Variants in RUSC2 observed in about 807,000 individuals in gnomAD.
RUSC2 encodes AP-4 complex accessory subunit RUSC2.
A neutral mutation model predicts 122.2 loss-of-function variants in RUSC2; 34 were observed. The ratio of observed to expected loss-of-function variants is 0.28; its 90% CI spans 0.21 to 0.37. RUSC2 has a LOEUF of 0.37. Among genes scored for constraint, RUSC2 ranks in the 10% least tolerant of loss-of-function variants. The pLI, the probability that RUSC2 is intolerant of heterozygous loss-of-function variation, is 1.00. For synonymous variants in RUSC2, 784 were observed against 790.0 expected (o/e 0.99, Z 0.13); for missense variants, 1,747 against 1,952.4 (o/e 0.89, Z 1.98).
chr9:35,518,224 C>G (rs1369259624), intron 1 of RUSC2, among the ~76,000 whole-genome samples: 1 of 152,188 alleles, frequency 6.6e-6, no homozygotes, highest in Non-Finnish European at 1.5e-5. Flanking sequence ...TTGCCAGCAC[C>G]CTGACTTCTT....
chr9:35,550,051 A>G (rs911197735), intron 2 of RUSC2, among the ~76,000 whole-genome samples: 1 of 151,918 alleles, frequency 6.6e-6, no homozygotes, highest in Admixed American at 6.6e-5. Context: ...ATCTCTACTA[A>G]TAATACAAAA....
At chr9:35,501,021 A>G (rs557213152) in intron 1 of RUSC2, among the ~76,000 whole-genome samples, 15 of 152,358 alleles carry the variant, frequency 9.8e-5, no homozygotes, top group African/African-American at 1.4e-4. Flanking sequence ...TATGAGGAAA[A>G]AAAGACAGCT....
At chr9:35,500,865 T>A (rs1244442990) in intron 1 of RUSC2, among the ~76,000 whole-genome samples, 1 of 152,238 alleles carries the variant, frequency 6.6e-6, no homozygotes, top group East Asian at 1.9e-4. Context: ...CACAGCAACC[T>A]GCAACTGTAT....
rs752665079 is a variant in RUSC2, at chr9:35,555,665, G to A, written c.2620G>A (p.Gly874Ser). 3 of 1,603,716 alleles carry A rather than the reference G, an allele frequency of 1.9e-6. No homozygotes were observed. The Admixed American group carries it at 5.1e-5, about 27-fold the overall frequency. The change falls in exon 3 of 12, where the codon GGT (glycine) becomes AGT (serine). Residue 874 changes from glycine (G) to serine (S), a missense_variant. Coordinates refer to ENST00000361226, the MANE Select transcript of RUSC2 (RefSeq NM_014806.5). The surrounding 1 kb of genome is among the most constrained non-coding windows in gnomAD (Gnocchi z 4.6). ...LSRAESLARG[G>S]GEGSMATRPS... ...CCGAGCAGAGAGCCTGGCCCGGGGA[G>A]GTGGTGAGGGCAGCATGGCCACCAG...
intron 1 of RUSC2, chr9:35,538,869 A>C (rs989596145): frequency 2.6e-5 from 4 of 152,686 alleles, no homozygotes; most frequent in Non-Finnish European, 5.8e-5. Context: ...CTTAGCAGCA[A>C]CGTCACCGCA....
chr9:35,539,964 C>G lies in RUSC2; in HGVS notation c.-92-6466C>G, dbSNP rs998048641. Among the ~76,000 whole-genome samples the G allele has an allele frequency of 2.0e-5, 3 of 151,902 alleles. No individual in the cohort carries two copies. In the South Asian group the frequency reaches 6.2e-4, roughly 31 times the overall value. ...GTGTTCCCCATCTTTATTCAGAAGG[C>G]CAAAAAAGAGGGAAGGGGTTCTATG... is the stretch of plus-strand genomic sequence containing the variant. On this transcript the variant is annotated intron_variant, in intron 1 of 11. Coordinates refer to ENST00000361226, the MANE Select transcript of RUSC2 (RefSeq NM_014806.5).
intron 1 of RUSC2, among the ~76,000 whole-genome samples, chr9:35,503,647 A>G (rs1488644182): frequency 6.6e-6 from 1 of 152,108 alleles, no homozygotes; most frequent in Admixed American, 6.5e-5. Context: ...GTCAAATGGT[A>G]GTTGTACTTT....
At chr9:35,505,450 A>G (rs796605605) in intron 1 of RUSC2, among the ~76,000 whole-genome samples, 12 of 152,158 alleles carry the variant, frequency 7.9e-5, no homozygotes, top group African/African-American at 2.7e-4. Context: ...TTTCTTGATT[A>G]CCTCATGCAA....
In RUSC2 at chr9:35,560,699, G is replaced by A. The variant is rs1465448297; in HGVS notation, c.4059G>A (p.Leu1353=). The A allele has an allele frequency of 1.3e-6, 2 of 1,559,176 alleles. No individual in the cohort carries two copies. The highest frequency in any genetic ancestry group is 2.3e-5 in the South Asian group (2 of 85,482). Residue 1353 remains leucine (L), a synonymous_variant, in exon 10 of 12, where the codon CTG becomes CTA. Coordinates refer to ENST00000361226, the MANE Select transcript of RUSC2 (RefSeq NM_014806.5). ...TGGGGAGCCCCCCTGACTCTGTGCT[G>A]GCCGAGCTGAGGCGCAGTCGGGAGA... ...FWMGSPPDSV[L]AELRRSRERE...
At chr9:35,504,400 T>C (rs764083342) in intron 1 of RUSC2, among the ~76,000 whole-genome samples, 1 of 152,162 alleles carries the variant, frequency 6.6e-6, no homozygotes, top group Non-Finnish European at 1.5e-5. Context: ...TTTTGTTTCC[T>C]CTTCTCTGAA....
At chr9:35,556,286 T>C (rs1822017154) in intron 4 of RUSC2, 22 bp from the exon 5 acceptor site, 3 of 1,613,096 alleles carry the variant, frequency 1.9e-6, no homozygotes, top group South Asian at 1.1e-5. Context: ...TTGCTCAGGA[T>C]TGATTTTTCT....
Position 35,555,994 on chromosome 9 carries a change from G to T in RUSC2, c.2699G>T (p.Arg900Met), listed in dbSNP as rs1822008849. 1.9e-6 allele frequency: 3 copies of T among 1,614,188 alleles called. No individual in the cohort carries two copies. The highest frequency in any genetic ancestry group is 1.7e-5 in the Admixed American group (1 of 60,026). ...CAAGCCCTCAAGTGGCGGGAATACA[G>T]GAGGAAGAACCCACTAGGGCCACCT... ...SPQALKWREY[R>M]RKNPLGPPGL... Residue 900 changes from arginine to methionine, a missense_variant, in exon 4 of 12, where the codon AGG becomes ATG. By Grantham distance (91) the Arg-to-Met change is moderately conservative. Coordinates refer to ENST00000361226, the MANE Select transcript of RUSC2 (RefSeq NM_014806.5). This position sits in a 1 kb window ranked among gnomAD's most constrained non-coding sequence, Gnocchi z 4.6.
At position 35,561,212 on chromosome 9, in the gene RUSC2, A is replaced by G. The variant is rs1822159141; in HGVS notation, c.4381A>G (p.Thr1461Ala). 1 of 1,613,962 alleles carries G rather than the reference A, an allele frequency of 6.2e-7. No individual in the cohort carries two copies. The highest frequency in any genetic ancestry group is 1.7e-5 in the Admixed American group (1 of 59,996). ...EVQALCHHLA[T>A]GPGQLSFHKG... ...GCAGGCACTGTGCCACCACCTGGCCACCGGCCCTGGACAGCTGAGCTTCCA... is the reference window on the plus strand; with the variant it reads ...GCAGGCACTGTGCCACCACCTGGCCGCCGGCCCTGGACAGCTGAGCTTCCA... Residue 1461 changes from threonine to alanine, a missense_variant, in exon 12 of 12, where the codon ACC (threonine) becomes GCC (alanine). Coordinates refer to ENST00000361226, the MANE Select transcript of RUSC2 (RefSeq NM_014806.5).
chr9:35,546,887 T>C lies in RUSC2; in HGVS notation c.366T>C (p.Ile122=), dbSNP rs1260633094. ...TTGGTGACCTGTATGATGACAGCATTGGTGACAGTGCCACCCAGCAGTCCT... is the reference window on the plus strand; with the variant it reads ...TTGGTGACCTGTATGATGACAGCATCGGTGACAGTGCCACCCAGCAGTCCT... ...PGLGDLYDDS[I]GDSATQQSFH... Residue 122 remains isoleucine, a synonymous_variant, in exon 2 of 12, where the codon ATT becomes ATC. Transcript: ENST00000361226. This position sits in a 1 kb window ranked among gnomAD's most constrained non-coding sequence, Gnocchi z 4.3. 3.8e-6 allele frequency: 6 copies of C among 1,591,580 alleles called. No individual in the cohort carries two copies. The Admixed American group carries it at 8.6e-5, about 23-fold the overall frequency.
intron 1 of RUSC2, among the ~76,000 whole-genome samples, chr9:35,496,659 TC>T (rs1235505385): frequency 2.6e-5 from 4 of 152,206 alleles, no homozygotes; most frequent in Non-Finnish European, 5.9e-5. Flanking sequence ...TGATGATTCC[TC>T]TGAAGAATTT....
chr9:35,553,302 C>A (rs1204586147), intron 2 of RUSC2, among the ~76,000 whole-genome samples: 2 of 152,186 alleles, frequency 1.3e-5, no homozygotes, highest in Non-Finnish European at 2.9e-5. Flanking sequence ...TGTAGTGAGA[C>A]TGGCTTGAAT....
rs373218246 is a variant in RUSC2, at chr9:35,555,295, G to A, written c.2250G>A (p.Pro750=). Residue 750 remains proline, a synonymous_variant, in exon 3 of 12, where the codon CCG becomes CCA. Transcript: ENST00000361226. This position sits in a 1 kb window ranked among gnomAD's most constrained non-coding sequence, Gnocchi z 4.6. The part of the protein sequence containing the change: ...QVSVPAPSGE[P]QASTPRATGR... ...CAGTCCCAGCTCCCTCAGGGGAACC[G>A]CAGGCATCCACTCCCCGAGCCACTG... The A allele has an allele frequency of 1.2e-4, 198 of 1,613,614 alleles. No individual in the cohort carries two copies. Among genetic ancestry groups the A allele is most frequent in the Non-Finnish European group, 1.5e-4 (182 of 1,180,008 alleles).
intron 1 of RUSC2, among the ~76,000 whole-genome samples, chr9:35,493,678 T>C (rs532514337): frequency 1.3e-5 from 2 of 152,108 alleles, no homozygotes; most frequent in African/African-American, 2.4e-5. Flanking sequence ...AATTTTTGTA[T>C]TGTTAGTAGA....
chr9:35,550,608 A>C (rs1821870443), intron 2 of RUSC2, among the ~76,000 whole-genome samples: 1 of 150,192 alleles, frequency 6.7e-6, no homozygotes, highest in Non-Finnish European at 1.5e-5. Context: ...CTTGGGAAAC[A>C]GAGTGAGACT....
Sources: gnomAD v4.1 joint callset for allele counts (sites outside exome capture counted in the v4.1 genomes callset) on GRCh38, gnomAD v4.1.1 for gene constraint, Gnocchi (gnomAD v3.1) non-coding constraint, MANE v1.5 for transcripts, NCBI Gene and HGNC (gene_info 2026-07-23, HGNC 2026-07-21) for gene names.